MCC: variants seen among roughly 807,000 people sequenced by gnomAD.
MCC encodes the protein MCC regulator of Wnt signaling pathway.
A neutral mutation model predicts 116.2 loss-of-function variants in MCC; 90 were observed. The ratio of observed to expected loss-of-function variants is 0.77; its 90% CI spans 0.65 to 0.92. The LOEUF (loss-of-function observed/expected upper bound fraction) is 0.92, where lower values mean the gene tolerates loss of function less well. Ranked by LOEUF, MCC falls within the 40% of genes least tolerant of loss-of-function variation. MCC has a pLI of 0.00. For missense variants in MCC, 1,516 were observed against 1,312.2 expected (o/e 1.16, Z -2.40); for synonymous variants, 578 against 510.5 (o/e 1.13, Z -1.78).
Position 113,064,069 on chromosome 5 carries a change from G to A in MCC, c.2128C>T (p.Leu710=). Residue 710 remains leucine (L), a synonymous_variant, in exon 14 of 19, where the codon CTG becomes TTG. Transcript: ENST00000408903. ...ENAAKALLMK[L]DGSCGGAFAV... is the part of the protein sequence containing the mutation. Reference sequence around the variant, plus strand: ...AAGGCTCCCCCACAGCTGCCGTCCAGCTTCATGAGCAGGGCCTTGGCAGCG... The same window carrying A: ...AAGGCTCCCCCACAGCTGCCGTCCAACTTCATGAGCAGGGCCTTGGCAGCG... 6.2e-7 allele frequency: 1 copy of A among 1,614,232 alleles called. No homozygotes were observed. The highest frequency in any genetic ancestry group is 8.5e-7 in the Non-Finnish European group (1 of 1,180,044).
rs1380778729 is a variant in MCC at position 113,480,501 on chromosome 5, T to A, written c.170+7744A>T. On this transcript the variant is annotated intron_variant, in intron 1 of 18. Coordinates refer to ENST00000408903, the MANE Select transcript of MCC (RefSeq NM_001085377.2). ...TCTGTGTGAATCAGGTTGTTATTCC[T>A]TCTAAAATGGACTAAATAACTGCAA... Among the ~76,000 whole-genome samples the A allele has an allele frequency of 2.0e-5, 3 of 152,236 alleles. No individual in the cohort carries two copies. The East Asian group carries it at 5.8e-4, about 29-fold the overall frequency.
At chr5:113,472,038 C>T (rs1772107605) in intron 1 of MCC, among the ~76,000 whole-genome samples, 2 of 152,004 alleles carry the variant, frequency 1.3e-5, no homozygotes, top group Admixed American at 6.6e-5. Context: ...TCGGAGTGAC[C>T]CGATTTTCCA....
chr5:113,289,436 T>C (rs1216368410), intron 3 of MCC, among the ~76,000 whole-genome samples: 1 of 152,150 alleles, frequency 6.6e-6, no homozygotes, highest in Non-Finnish European at 1.5e-5. Context: ...GCAAATTCTT[T>C]GTGACACCCC....
At chr5:113,195,652 C>T (rs544283552) in intron 3 of MCC, among the ~76,000 whole-genome samples, 22 of 152,078 alleles carry the variant, frequency 1.4e-4, no homozygotes, top group Non-Finnish European at 2.8e-4. Flanking sequence ...GAAGAAAAAG[C>T]CAGATGGAGG....
chr5:113,257,225 G>GGCCCAGTCT (rs1380249353), intron 3 of MCC, among the ~76,000 whole-genome samples: 1 of 152,110 alleles, frequency 6.6e-6, no homozygotes, highest in Non-Finnish European at 1.5e-5. Flanking sequence ...TGGTCATCCT[G>GGCCCAGTCT]GCCCAGTCTG....
chr5:113,061,417 T>G (rs1753208305), intron 14 of MCC, among the ~76,000 whole-genome samples: 1 of 152,188 alleles, frequency 6.6e-6, no homozygotes, highest in South Asian at 2.1e-4. Flanking sequence ...TATTTCCACT[T>G]CCTAACATTT....
intron 2 of MCC, among the ~76,000 whole-genome samples, chr5:113,345,498 T>C (rs1445325124): frequency 1.3e-5 from 2 of 152,206 alleles, no homozygotes; most frequent in African/African-American, 4.8e-5. Context: ...CTCAGTGTAG[T>C]CCTAGTGGTG....
chr5:113,471,121 T>A (rs1377311349), intron 1 of MCC, among the ~76,000 whole-genome samples: 1 of 85,356 alleles, frequency 1.2e-5, no homozygotes, highest in Non-Finnish European at 2.2e-5. Flanking sequence ...TGCCATTGGT[T>A]CGAATTTCCT....
chr5:113,189,348 A>T (rs554865246), intron 3 of MCC, among the ~76,000 whole-genome samples: 2 of 152,338 alleles, frequency 1.3e-5, no homozygotes, highest in African/African-American at 4.8e-5. Flanking sequence ...GCACCTTTGA[A>T]GTGTTAGCCC....
rs930670114 is a variant in MCC, at chr5:113,331,799, G to A, written c.627+8720C>T. On this transcript the variant is annotated intron_variant, in intron 3 of 18. Transcript: ENST00000408903. ...GTACAGGCACCCGCCACCACAACCC[G>A]GCTAATTTTTGTATTATTAGTAGAG... 7.3e-5 allele frequency among the ~76,000 whole-genome samples: 11 copies of A among 151,164 alleles called. No individual in the cohort carries two copies. In the South Asian group the frequency reaches 1.2e-3, roughly 17 times the overall value.
Position 113,224,092 on chromosome 5 carries a change from T to C in MCC, c.628-72670A>G, listed in dbSNP as rs138971545. Reference sequence around the variant, plus strand: ...AGTAGGTATTGTTATATAGTTTTTGTTTTGTTTTGTTTGAGACAGAGTCTC... The same window carrying C: ...AGTAGGTATTGTTATATAGTTTTTGCTTTGTTTTGTTTGAGACAGAGTCTC... On this transcript the variant is annotated intron_variant, in intron 3 of 18. Coordinates refer to ENST00000408903, the MANE Select transcript of MCC (RefSeq NM_001085377.2). Among the ~76,000 whole-genome samples the C allele has an allele frequency of 2.4e-4, 36 of 152,264 alleles. No individual in the cohort carries two copies. In the East Asian group the frequency reaches 6.6e-3, roughly 28 times the overall value.
chr5:113,154,021 C>T (rs1005260837), intron 3 of MCC, among the ~76,000 whole-genome samples: 5 of 152,220 alleles, frequency 3.3e-5, no homozygotes, highest in African/African-American at 1.2e-4. Context: ...CATATCTTCT[C>T]TGATTATAAA....
At chr5:113,077,866 G>A (rs980597099) in intron 11 of MCC, among the ~76,000 whole-genome samples, 6 of 152,100 alleles carry the variant, frequency 3.9e-5, no homozygotes, top group Admixed American at 3.3e-4. Flanking sequence ...ATGAATCCAG[G>A]AGCTGGTTTT....
intron 1 of MCC, among the ~76,000 whole-genome samples, chr5:113,409,408 G>GT (rs1317963076): frequency 6.6e-6 from 1 of 152,042 alleles, no homozygotes; most frequent in African/African-American, 2.4e-5. Flanking sequence ...CTGGAGTGCA[G>GT]TGGTGTGATC....
chr5:113,161,059 C>G (rs1257624023), intron 3 of MCC, among the ~76,000 whole-genome samples: 1 of 152,190 alleles, frequency 6.6e-6, no homozygotes, highest in Non-Finnish European at 1.5e-5. Context: ...ACAATAGTAG[C>G]TATTAAAAAT....
At chr5:113,158,909 G>A (rs1760326695) in intron 3 of MCC, among the ~76,000 whole-genome samples, 1 of 152,246 alleles carries the variant, frequency 6.6e-6, no homozygotes, top group South Asian at 2.1e-4. Context: ...CGAGGGATGC[G>A]TAAACCTGCT....
intron 1 of MCC, among the ~76,000 whole-genome samples, chr5:113,475,042 AT>A (rs1772201605): frequency 6.6e-6 from 1 of 152,266 alleles, no homozygotes; most frequent in Non-Finnish European, 1.5e-5. Context: ...CCACATCGTT[AT>A]GAAAATGCTT....
intron 3 of MCC, among the ~76,000 whole-genome samples, chr5:113,252,939 A>G (rs950764268): frequency 2.0e-5 from 3 of 152,246 alleles, no homozygotes; most frequent in African/African-American, 7.2e-5. Context: ...ACTGGCGAAC[A>G]TGGAGAGTGG....
intron 7 of MCC, among the ~76,000 whole-genome samples, chr5:113,103,152 GA>G (rs1325466274): frequency 1.3e-5 from 2 of 151,896 alleles, no homozygotes; most frequent in Non-Finnish European, 2.9e-5. Context: ...ATAAAGAAAA[GA>G]AAAGAAACAG....
Sources: allele counts gnomAD v4.1 joint callset (sites outside exome capture counted in the v4.1 genomes callset), GRCh38; gene constraint gnomAD v4.1.1; transcripts MANE v1.5; gene names NCBI Gene and HGNC (gene_info 2026-07-23, HGNC 2026-07-21).